The following ADAM18 variants were observed in gnomAD, a reference collection of about 807,000 sequenced individuals.
ADAM18 encodes ADAM metallopeptidase domain 18.
In ADAM18, 117 loss-of-function variants were observed where a neutral mutation model predicts 94.4. The ratio of observed to expected loss-of-function variants is 1.24; its 90% CI spans 1.07 to 1.45. ADAM18 has a LOEUF of 1.45. Among genes scored for constraint, ADAM18 ranks in the 40% most tolerant of loss-of-function variants. ADAM18 has a pLI of 0.00. For missense variants in ADAM18, 936 were observed against 880.0 expected (o/e 1.06, Z -0.81); for synonymous variants, 327 against 291.6 (o/e 1.12, Z -1.24).
chr8:39,647,503 G>A (rs1220527082), intron 11 of ADAM18, among the ~76,000 whole-genome samples: 2 of 152,106 alleles, frequency 1.3e-5, no homozygotes, highest in Non-Finnish European at 2.9e-5. Context: ...GGAGACAGTG[G>A]CCTTCCTCTA....
intron 2 of ADAM18, among the ~76,000 whole-genome samples, chr8:39,600,632 AAC>A (rs1197778093): frequency 6.6e-6 from 1 of 152,170 alleles, no homozygotes; most frequent in Non-Finnish European, 1.5e-5. Flanking sequence ...CAGTTTGAGA[AAC>A]AGTTTTTGAC....
chr8:39,645,592 G>A (rs1451738), intron 11 of ADAM18, 118 bp downstream of exon 11: 1 of 984,328 alleles, frequency 1.0e-6, no homozygotes, highest in Non-Finnish European at 1.5e-6. Context: ...GTTACATCAT[G>A]CTTGTAAAGT....
At chr8:39,679,848 A>G (rs1821395102) in intron 15 of ADAM18, among the ~76,000 whole-genome samples, 189 bp from the exon 16 acceptor site, 1 of 152,210 alleles carries the variant, frequency 6.6e-6, no homozygotes, top group Non-Finnish European at 1.5e-5. Context: ...AGTTAAGCAT[A>G]TACATTTCAA....
intron 19 of ADAM18, among the ~76,000 whole-genome samples, chr8:39,724,448 C>CT (rs1563322351): frequency 6.6e-6 from 1 of 151,350 alleles, no homozygotes; most frequent in African/African-American, 2.4e-5. Context: ...TTTGCATTTT[C>CT]TTTTTTTTCT....
chr8:39,692,927 A>G (rs1159803073), intron 17 of ADAM18, among the ~76,000 whole-genome samples: 1 of 151,666 alleles, frequency 6.6e-6, no homozygotes, highest in East Asian at 1.9e-4. Context: ...TTCAACACAA[A>G]TAAATGCATT....
At chr8:39,711,061 C>T (rs1040938622) in intron 18 of ADAM18, among the ~76,000 whole-genome samples, 5 of 152,090 alleles carry the variant, frequency 3.3e-5, no homozygotes, top group Admixed American at 3.3e-4. Flanking sequence ...GTGCTTGTTT[C>T]CTTTGTTTTT....
chr8:39,602,821 T>A (rs1818946805), intron 2 of ADAM18, among the ~76,000 whole-genome samples: 1 of 152,158 alleles, frequency 6.6e-6, no homozygotes, highest in Non-Finnish European at 1.5e-5. Flanking sequence ...CAACTTGTAT[T>A]TTTTTTCTCC....
chr8:39,629,304 C>T (rs1207552713), intron 6 of ADAM18, 70 bp from the exon 7 acceptor site: 1 of 1,227,992 alleles, frequency 8.1e-7, no homozygotes, highest in Non-Finnish European at 1.1e-6. Flanking sequence ...GCTGTCTTTA[C>T]ATGTCATCTT....
At chr8:39,640,962 T>C (rs910140547) in intron 10 of ADAM18, among the ~76,000 whole-genome samples, 2 of 152,124 alleles carry the variant, frequency 1.3e-5, no homozygotes, top group African/African-American at 4.8e-5. Context: ...TCTCCCATTC[T>C]GTAGGTTGTC....
At chr8:39,626,824 A>G (rs1294654847) in intron 6 of ADAM18, among the ~76,000 whole-genome samples, 1 of 152,126 alleles carries the variant, frequency 6.6e-6, no homozygotes, top group African/African-American at 2.4e-5. Flanking sequence ...GTGGCCTATC[A>G]TATTATCTGT....
chr8:39,686,707 A>C (rs1027924730), intron 16 of ADAM18, among the ~76,000 whole-genome samples: 1 of 152,232 alleles, frequency 6.6e-6, no homozygotes, highest in African/African-American at 2.4e-5. Flanking sequence ...TGACATACGA[A>C]AAACAACATT....
intron 18 of ADAM18, among the ~76,000 whole-genome samples, chr8:39,721,296 A>T (rs1191690349): frequency 6.6e-6 from 1 of 151,536 alleles, no homozygotes; most frequent in East Asian, 1.9e-4. Flanking sequence ...TAAATGTAAG[A>T]CTTGAAAGTA....
At chr8:39,634,250 T>C (rs558743696) in intron 7 of ADAM18, among the ~76,000 whole-genome samples, 15 of 152,098 alleles carry the variant, frequency 9.9e-5, no homozygotes, top group Non-Finnish European at 1.8e-4. Context: ...GTGCTAACTC[T>C]CCAGGCTCAC....
intron 18 of ADAM18, among the ~76,000 whole-genome samples, chr8:39,722,226 T>C (rs1193574302): frequency 0.028 from 253 of 8,954 alleles, 4 homozygotes; most frequent in African/African-American, 0.059. Flanking sequence ...TGTATATATA[T>C]ATATATATAT....
At chr8:39,632,474 A>T (rs1446629282) in intron 7 of ADAM18, among the ~76,000 whole-genome samples, 1 of 152,098 alleles carries the variant, frequency 6.6e-6, no homozygotes, top group Non-Finnish European at 1.5e-5. Context: ...TAATCAATGG[A>T]TATAGAGAAC....
At chr8:39,659,563 G>A (rs185246646) in intron 12 of ADAM18, among the ~76,000 whole-genome samples, 136 of 152,088 alleles carry the variant, frequency 8.9e-4, no homozygotes, top group Non-Finnish European at 6.0e-4. Flanking sequence ...AACAAAATAC[G>A]TGGAATATGC....
At chr8:39,590,597 T>G (rs893600075) in intron 2 of ADAM18, among the ~76,000 whole-genome samples, 1 of 152,068 alleles carries the variant, frequency 6.6e-6, no homozygotes, top group Non-Finnish European at 1.5e-5. Flanking sequence ...AAAAATAAAA[T>G]AAAATAAAAA....
At position 39,716,997 on chromosome 8, in the gene ADAM18, A is replaced by G. The variant is rs116808010; in HGVS notation, c.2018-6751A>G. Among the ~76,000 whole-genome samples the G allele has an allele frequency of 6.4e-3, 967 of 151,938 alleles. 15 individuals carry two copies. The highest frequency in any genetic ancestry group is 0.022 in the African/African-American group (918 of 41,484). On this transcript the variant is annotated intron_variant, in intron 18 of 19. Coordinates refer to ENST00000265707, the MANE Select transcript of ADAM18 (RefSeq NM_014237.3). ...TATTTTGTCTGATATAAGTCTGACC[A>G]CTTATGCTCCATTTTGGCATTTGCA...
intron 12 of ADAM18, among the ~76,000 whole-genome samples, chr8:39,662,815 G>A (rs979049979): frequency 6.6e-6 from 1 of 152,016 alleles, no homozygotes; most frequent in African/African-American, 2.4e-5. Context: ...AGTAAAGGTG[G>A]GGTTTCACCA....
Sources: gnomAD v4.1 joint callset for allele counts (sites outside exome capture counted in the v4.1 genomes callset) on GRCh38, gnomAD v4.1.1 for gene constraint, MANE v1.5 for transcripts, NCBI Gene and HGNC (gene_info 2026-07-23, HGNC 2026-07-21) for gene names.